The following NAV3 variants were observed in gnomAD, a reference collection of about 807,000 sequenced individuals.
NAV3 encodes the protein pore membrane and/or filament interacting like protein 1.
Under a neutral mutation model 244.7 loss-of-function variants are expected in NAV3, and 87 were observed. The observed-to-expected ratio is 0.36, with a 90% CI of 0.30 to 0.42. The LOEUF (loss-of-function observed/expected upper bound fraction) is 0.42, where lower values mean the gene tolerates loss of function less well. Among genes scored for constraint, NAV3 ranks in the 20% least tolerant of loss-of-function variants. NAV3 has a pLI of 1.00. For missense variants in NAV3, 2,663 were observed against 2,893.3 expected (o/e 0.92, Z 1.83); for synonymous variants, 1,126 against 1,042.2 (o/e 1.08, Z -1.55).
intron 1 of NAV3, among the ~76,000 whole-genome samples, chr12:77,854,598 T>TGC (rs1474907812): frequency 6.6e-6 from 1 of 151,692 alleles, no homozygotes; most frequent in East Asian, 1.9e-4. Flanking sequence ...TGTGTGTGTG[T>TGC]GTGTGTGTTT....
Position 78,210,595 on chromosome 12 carries a change from G to C in NAV3, c.*78G>C. 1 of 1,535,680 alleles carries C rather than the reference G, an allele frequency of 6.5e-7. No individual in the cohort carries two copies. The highest frequency in any genetic ancestry group is 8.8e-7 in the Non-Finnish European group (1 of 1,137,090). On this transcript the variant is annotated 3_prime_UTR_variant, in exon 40 of 40. Transcript: ENST00000397909. ...AGAAAGGTATTTTCACTAAACCACT[G>C]CCAGTATAAAAGCACCCTGTCAAGG...
intron 2 of NAV3, among the ~76,000 whole-genome samples, chr12:77,669,772 T>TATA (rs1202283374): frequency 1.3e-5 from 2 of 152,080 alleles, no homozygotes; most frequent in Non-Finnish European, 2.9e-5. Context: ...AATACTCTAT[T>TATA]GACAGCAGTA....
rs1273521912 is a variant in NAV3 at position 77,577,372 on chromosome 12, A to G, written c.72+5106A>G. 2.6e-5 allele frequency among the ~76,000 whole-genome samples: 4 copies of G among 152,112 alleles called. No individual in the cohort carries two copies. In the East Asian group the frequency reaches 7.7e-4, roughly 29 times the overall value. The stretch of plus-strand genomic sequence containing the variant: ...AACCTCCTTTCATTTTTTCTCCACC[A>G]TATCATAGAAATCTAAAAATTCATA... On this transcript the variant is annotated intron_variant, in intron 2 of 8. Transcript: ENST00000550042.
intron 2 of NAV3, among the ~76,000 whole-genome samples, chr12:77,753,421 G>A (rs2135807351): frequency 6.6e-6 from 1 of 152,172 alleles, no homozygotes; most frequent in Middle Eastern, 3.4e-3. Flanking sequence ...TGGGGCAGTA[G>A]CAACTGTTGA....
intron 2 of NAV3, among the ~76,000 whole-genome samples, chr12:77,817,618 G>T (rs1253145740): frequency 6.6e-6 from 1 of 151,924 alleles, no homozygotes; most frequent in East Asian, 1.9e-4. Flanking sequence ...CTTTTCAGAA[G>T]CTCTTAACAC....
intron 2 of NAV3, among the ~76,000 whole-genome samples, chr12:77,705,927 A>G (rs920219924): frequency 2.0e-5 from 3 of 151,446 alleles, no homozygotes; most frequent in Non-Finnish European, 4.4e-5. Context: ...ATATTTTTAA[A>G]TGTATTTCTT....
intron 2 of NAV3, among the ~76,000 whole-genome samples, chr12:77,699,069 A>T (rs1306886491): frequency 6.6e-6 from 1 of 152,144 alleles, no homozygotes; most frequent in East Asian, 1.9e-4. Context: ...TAGAGGTTAT[A>T]TATTTGATTT....
At chr12:78,034,418 T>G (rs571322142) in intron 9 of NAV3, among the ~76,000 whole-genome samples, 1 of 152,314 alleles carries the variant, frequency 6.6e-6, no homozygotes, top group South Asian at 2.1e-4. Context: ...TCCAACTGAA[T>G]GAGCAGTTAT....
intron 2 of NAV3, among the ~76,000 whole-genome samples, chr12:77,697,256 A>T (rs1474560263): frequency 6.6e-6 from 1 of 151,720 alleles, no homozygotes; most frequent in Non-Finnish European, 1.5e-5. Flanking sequence ...GTAGTCATCC[A>T]CCCCCCTCTT....
chr12:78,150,702 TA>T (rs768926604), intron 22 of NAV3, among the ~76,000 whole-genome samples: 1 of 147,972 alleles, frequency 6.8e-6, no homozygotes, highest in Non-Finnish European at 1.5e-5. Flanking sequence ...AATTCTAACA[TA>T]GGGGAATAAT....
intron 31 of NAV3, among the ~76,000 whole-genome samples, 194 bp downstream of exon 31, chr12:78,185,892 A>C (rs535735453): frequency 1.3e-5 from 2 of 151,938 alleles, no homozygotes; most frequent in African/African-American, 4.8e-5. Context: ...TGTGTCTTAC[A>C]TGTACCTCAC....
chr12:77,867,563 G>A (rs1283851744), intron 1 of NAV3, among the ~76,000 whole-genome samples: 1 of 152,032 alleles, frequency 6.6e-6, no homozygotes, highest in Non-Finnish European at 1.5e-5. Context: ...GGGACTACAA[G>A]CGCCCGCCAC....
chr12:77,998,658 C>G (rs1338934172), intron 7 of NAV3, among the ~76,000 whole-genome samples, 182 bp downstream of exon 7: 2 of 152,116 alleles, frequency 1.3e-5, no homozygotes, highest in East Asian at 3.9e-4. Flanking sequence ...ACATTTTAAA[C>G]AAATAAACTC....
intron 1 of NAV3, among the ~76,000 whole-genome samples, chr12:77,857,358 TTTTTGA>T (rs1386148824): frequency 6.6e-6 from 1 of 152,022 alleles, no homozygotes; most frequent in Non-Finnish European, 1.5e-5. Flanking sequence ...GGTTTTAATT[TTTTTGA>T]AATTATGTGA....
chr12:78,128,794 A>G lies in NAV3; in HGVS notation c.4369A>G (p.Asn1457Asp), dbSNP rs189018847. Residue 1457 changes from asparagine (N) to aspartate (D), a missense_variant, in exon 18 of 40, where the codon AAC becomes GAC. This residue lies in a region of NAV3 where 354 missense variants were observed against 413.0 expected (regional missense o/e 0.86). Coordinates refer to ENST00000397909, the MANE Select transcript of NAV3 (RefSeq NM_001024383.2). The part of the protein sequence containing the change: ...HSTGGLQDTG[N>D]QSPLVSPSAM... ...TACTGGAGGGCTTCAGGACACTGGC[A>G]ACCAGTCACCTCTGGTTTCCCCTTC... The G allele has an allele frequency of 6.2e-7, 1 of 1,614,116 alleles. No individual in the cohort carries two copies. Among genetic ancestry groups the G allele is most frequent in the African/African-American group, 1.3e-5 (1 of 75,056 alleles).
At chr12:77,591,793 ATGTG>A (rs887379958) in intron 2 of NAV3, among the ~76,000 whole-genome samples, 3 of 152,194 alleles carry the variant, frequency 2.0e-5, no homozygotes, top group Admixed American at 6.5e-5. Flanking sequence ...TTATATATGT[ATGTG>A]TATCTATCTA....
At chr12:77,969,722 G>T (rs561778862) in intron 5 of NAV3, among the ~76,000 whole-genome samples, 1 of 152,252 alleles carries the variant, frequency 6.6e-6, no homozygotes, top group East Asian at 1.9e-4. Context: ...ACAGGTGCGT[G>T]TAATCCCAGC....
chr12:77,802,850 G>T (rs1871781717), intron 2 of NAV3, among the ~76,000 whole-genome samples: 1 of 151,980 alleles, frequency 6.6e-6, no homozygotes, highest in African/African-American at 2.4e-5. Flanking sequence ...TGTATTTTTA[G>T]TAGAGATGGG....
At chr12:77,822,675 C>T (rs1445804468) in intron 2 of NAV3, among the ~76,000 whole-genome samples, 1 of 152,076 alleles carries the variant, frequency 6.6e-6, no homozygotes, top group Admixed American at 6.6e-5. Flanking sequence ...ACTTCATGCT[C>T]AGTATATCAT....
Sources: allele counts gnomAD v4.1 joint callset (sites outside exome capture counted in the v4.1 genomes callset), GRCh38; gene constraint gnomAD v4.1.1; regional missense constraint gnomAD v4.1.1; transcripts MANE v1.5; gene names NCBI Gene and HGNC (gene_info 2026-07-23, HGNC 2026-07-21).